Variants in ZNF560 observed in about 807,000 individuals in gnomAD.
ZNF560 encodes zinc finger protein 560.
Under a neutral mutation model 81.8 loss-of-function variants are expected in ZNF560, and 54 were observed. That is an observed-to-expected ratio of 0.66 (90% CI 0.53 to 0.83). The LOEUF is 0.83. ZNF560 is among the 40% of genes least tolerant of loss of function. The pLI is 0.00. For missense variants in ZNF560, 940 were observed against 932.4 expected (o/e 1.01, Z -0.11); for synonymous variants, 321 against 317.9 (o/e 1.01, Z -0.10).
chr19:9,503,484 A>G (rs1040415775), upstream of ZNF560, among the ~76,000 whole-genome samples: 4 of 152,162 alleles, frequency 2.6e-5, no homozygotes, highest in African/African-American at 9.7e-5. Context: ...GTGTCTTCAC[A>G]TAGTGCAAAA....
chr19:9,483,574 AG>A lies in ZNF560; in HGVS notation c.-56-8206del, dbSNP rs1417207086. Among the ~76,000 whole-genome samples, 4 of 136,404 alleles carry A rather than the reference AG, an allele frequency of 2.9e-5. No individual in the cohort carries two copies. In the South Asian group the frequency reaches 9.8e-4, roughly 33 times the overall value. 89.5% of individuals were successfully genotyped at this position (136,404 alleles called of 152,430 possible). A position where few individuals can be genotyped will look rare whatever the true frequency, so the allele number is the denominator to read the frequency against. ...CGCCCGGCCAGCCGCCCCGTCCGGG[AG>A]GGGGGTGGGGGGTCAGCCCCCGCCC... On this transcript the variant is annotated intron_variant, in intron 2 of 9. Coordinates refer to ENST00000301480, the MANE Select transcript of ZNF560 (RefSeq NM_152476.3).
At chr19:9,461,022 C>T in the ZNF560 span, among the ~76,000 whole-genome samples, 7 of 152,124 alleles carry the variant, frequency 4.6e-5, no homozygotes, top group Non-Finnish European at 7.3e-5. Flanking sequence ...GGAAACATGA[C>T]GGTATAGTGG....
upstream of ZNF560, among the ~76,000 whole-genome samples, chr19:9,501,600 A>T (rs993202534): frequency 6.6e-6 from 1 of 151,620 alleles, no homozygotes; most frequent in Admixed American, 6.6e-5. Flanking sequence ...ACTTCAGGTG[A>T]TCCGCCCATC....
chr19:9,467,789 A>G lies in ZNF560; in HGVS notation c.1158T>C (p.Thr386=). Residue 386 remains threonine, a synonymous_variant, in exon 10 of 10, where the codon ACT becomes ACC. Coordinates refer to ENST00000301480, the MANE Select transcript of ZNF560 (RefSeq NM_152476.3). ...YKCKHCGKTF[T]VPSGFLEHVR... is the part of the protein sequence containing the mutation. The stretch of plus-strand genomic sequence containing the variant: ...CATGTTCAAGAAAGCCTGACGGCAC[A>G]GTGAAGGTTTTGCCACAGTGCTTAC... 1 of 1,614,218 alleles carries G rather than the reference A, an allele frequency of 6.2e-7. No homozygotes were observed. The highest frequency in any genetic ancestry group is 2.2e-5 in the East Asian group (1 of 44,882).
the ZNF560 span, among the ~76,000 whole-genome samples, chr19:9,454,469 T>C: frequency 2.0e-5 from 3 of 152,174 alleles, no homozygotes; most frequent in Non-Finnish European, 4.4e-5. Context: ...GGAACTACGC[T>C]GGAGCACACC....
intron 2 of ZNF560, among the ~76,000 whole-genome samples, chr19:9,487,379 AC>A (rs1460112507): frequency 1.3e-5 from 2 of 152,144 alleles, no homozygotes; most frequent in East Asian, 3.9e-4. Flanking sequence ...GAGACTTTCC[AC>A]CCCAGTTCAA....
At position 9,471,299 on chromosome 19, in the gene ZNF560, T is replaced by G; in HGVS notation, c.318A>C (p.Gln106His). 2 of 1,583,166 alleles carry G rather than the reference T, an allele frequency of 1.3e-6. No individual in the cohort carries two copies. The highest frequency in any genetic ancestry group is 1.7e-6 in the Non-Finnish European group (2 of 1,168,504). ...FWKIQTSNGIQMDLVTFDSVA... is the reference protein window; with the variant it reads ...FWKIQTSNGIHMDLVTFDSVA... Reference sequence around the variant, plus strand: ...AAATACCCTTTCTTAACATTACCATTTGTATCCCATTAGAAGTTTGTATTT... The same window carrying G: ...AAATACCCTTTCTTAACATTACCATGTGTATCCCATTAGAAGTTTGTATTT... Residue 106 changes from glutamine to histidine, a missense_variant, in exon 6 of 10, where the codon CAA becomes CAC. Transcript: ENST00000301480.
chr19:9,506,412 T>A, the ZNF560 span, among the ~76,000 whole-genome samples: 1 of 91,586 alleles, frequency 1.1e-5, no homozygotes, highest in Non-Finnish European at 2.4e-5. Flanking sequence ...CACGCTTCTG[T>A]TGTTTTTTTT....
Position 9,475,372 on chromosome 19 carries a change from G to A in ZNF560, c.-56-3C>T. 1 of 1,568,538 alleles carries A rather than the reference G, an allele frequency of 6.4e-7. No individual in the cohort carries two copies. The highest frequency in any genetic ancestry group is 8.8e-7 in the Non-Finnish European group (1 of 1,142,844). On this transcript the variant is annotated splice_polypyrimidine_tract_variant and splice_region_variant and intron_variant, in intron 2 of 9. Coordinates refer to ENST00000301480, the MANE Select transcript of ZNF560 (RefSeq NM_152476.3). ...GCAGATTGGGTTCCTAGAAAGACCT[G>A]GAAAAGAAAGAAGGCATAAGAGCCC...
At chr19:9,458,059 C>A in the ZNF560 span, among the ~76,000 whole-genome samples, 1 of 152,290 alleles carries the variant, frequency 6.6e-6, no homozygotes, top group East Asian at 1.9e-4. Flanking sequence ...TACTAATTCA[C>A]GGACTTTGAC....
At chr19:9,487,501 T>G (rs1216666443) in intron 2 of ZNF560, among the ~76,000 whole-genome samples, 1 of 152,196 alleles carries the variant, frequency 6.6e-6, no homozygotes, top group Non-Finnish European at 1.5e-5. Flanking sequence ...TTTGAGAGGC[T>G]CATGATATTA....
At chr19:9,461,671 G>A (rs1052558183), downstream of ZNF560, among the ~76,000 whole-genome samples, 8 of 152,110 alleles carry the variant, frequency 5.3e-5, no homozygotes, top group African/African-American at 1.4e-4. Flanking sequence ...TAATGTGGGT[G>A]GGAGATCAAG....
At chr19:9,481,297 T>C (rs983857554) in intron 2 of ZNF560, among the ~76,000 whole-genome samples, 5 of 152,156 alleles carry the variant, frequency 3.3e-5, no homozygotes, top group African/African-American at 7.2e-5. Flanking sequence ...ACTTAAATGT[T>C]AGACCTAAAA....
intron 2 of ZNF560, among the ~76,000 whole-genome samples, chr19:9,494,863 C>T (rs1301603863): frequency 6.6e-6 from 1 of 152,080 alleles, no homozygotes; most frequent in East Asian, 1.9e-4. Flanking sequence ...GCCAAGGTCA[C>T]ACCACTGCAC....
chr19:9,447,899 G>A, the ZNF560 span, among the ~76,000 whole-genome samples: 2 of 152,052 alleles, frequency 1.3e-5, no homozygotes, highest in Non-Finnish European at 2.9e-5. Context: ...TGAACACCAC[G>A]AAGACATACA....
chr19:9,480,988 G>C (rs1238751140), intron 2 of ZNF560, among the ~76,000 whole-genome samples: 10 of 150,998 alleles, frequency 6.6e-5, no homozygotes, highest in Non-Finnish European at 1.5e-4. Context: ...GGAGGCTGAG[G>C]TAGGAGGATA....
chr19:9,482,597 G>A (rs2073307379), intron 2 of ZNF560, among the ~76,000 whole-genome samples: 1 of 151,844 alleles, frequency 6.6e-6, no homozygotes, highest in Admixed American at 6.6e-5. Context: ...CTGCACTCCA[G>A]CACAGGCAAG....
the ZNF560 span, among the ~76,000 whole-genome samples, chr19:9,450,004 GA>G: frequency 9.6e-6 from 1 of 104,494 alleles, no homozygotes; most frequent in East Asian, 2.9e-4. Context: ...AAAAACAACT[GA>G]AAAAAGGCCA....
chr19:9,482,478 GAAGA>G (rs1599667643), intron 2 of ZNF560, among the ~76,000 whole-genome samples: 1 of 151,204 alleles, frequency 6.6e-6, no homozygotes, highest in South Asian at 2.1e-4. Context: ...AGGAAGGAAG[GAAGA>G]AAGGAAGGAA....
Sources: gnomAD v4.1 joint callset for allele counts (sites outside exome capture counted in the v4.1 genomes callset) on GRCh38, gnomAD v4.1.1 for gene constraint, MANE v1.5 for transcripts, NCBI Gene and HGNC (gene_info 2026-07-23, HGNC 2026-07-21) for gene names.